MSN: variants seen among roughly 807,000 people sequenced by gnomAD.
The protein encoded by MSN is moesin, also known as epididymis luminal protein 70.
A neutral mutation model predicts 48.0 loss-of-function variants in MSN; 2 were observed. The observed-to-expected ratio is 0.04, with a 90% CI of 0.02 to 0.13. The LOEUF is 0.13. Among genes scored for constraint, MSN ranks in the 10% least tolerant of loss-of-function variants. The pLI, the probability that MSN is intolerant of heterozygous loss-of-function variation, is 1.00. For missense variants in MSN, 267 were observed against 470.1 expected (o/e 0.57, Z 3.99); for synonymous variants, 146 against 166.9 (o/e 0.87, Z 0.97).
chrX:65,670,936 A>ATATATATATATATT (rs2070933031), intron 1 of MSN, among the ~76,000 whole-genome samples: 2 of 61,709 alleles, frequency 3.2e-5, no homozygotes, highest in African/African-American at 1.1e-4. Context: ...ATATATATAT[A>ATATATATATATATT]TATATATATA....
intron 1 of MSN, among the ~76,000 whole-genome samples, chrX:65,639,034 T>A (rs2070628143): frequency 8.9e-6 from 1 of 112,817 alleles, no homozygotes; most frequent in African/African-American, 3.2e-5. Flanking sequence ...TGTGGACCTT[T>A]AGATATCTCA....
chrX:65,658,082 A>C (rs1390918155), intron 1 of MSN, among the ~76,000 whole-genome samples: 1 of 111,942 alleles, frequency 8.9e-6, no homozygotes, highest in African/African-American at 3.2e-5. Context: ...CCTTTTACCC[A>C]GATGCTAGCT....
chrX:65,664,596 A>T (rs752018583), upstream of MSN, among the ~76,000 whole-genome samples: 1 of 109,454 alleles, frequency 9.1e-6, no homozygotes, highest in Non-Finnish European at 1.9e-5. Context: ...GACTGGACTA[A>T]CTAGTCTCTG....
chrX:65,636,863 C>T (rs1333478665), intron 1 of MSN, among the ~76,000 whole-genome samples: 1 of 98,987 alleles, frequency 1.0e-5, no homozygotes, highest in South Asian at 4.8e-4. Flanking sequence ...AGGCGGATCA[C>T]GAGGTCAGGA....
chrX:65,595,367 C>G (rs1300518820), intron 1 of MSN, among the ~76,000 whole-genome samples: 1 of 111,970 alleles, frequency 8.9e-6, no homozygotes, highest in Non-Finnish European at 1.9e-5. Flanking sequence ...ACCGTACTGG[C>G]CATGCTCTCT....
chrX:65,608,438 GGT>G (rs751542072), intron 1 of MSN, among the ~76,000 whole-genome samples: 13 of 107,832 alleles, frequency 1.2e-4, no homozygotes, highest in Middle Eastern at 4.7e-3. Flanking sequence ...GTGTATGTGA[GGT>G]GTGTGTGTGT....
At chrX:65,724,677 T>TTTTGTTTG (rs10635652) in intron 2 of MSN, among the ~76,000 whole-genome samples, 13 of 108,364 alleles carry the variant, frequency 1.2e-4, no homozygotes, top group African/African-American at 4.6e-4. Context: ...TTTGTTTTGT[T>TTTTGTTTG]TTTGTTTGTT....
intron 2 of MSN, among the ~76,000 whole-genome samples, chrX:65,724,995 G>T (rs2071554448): frequency 8.9e-6 from 1 of 111,878 alleles, no homozygotes; most frequent in Non-Finnish European, 1.9e-5. Context: ...CCCATTTTAT[G>T]TTCTTATAAT....
intron 1 of MSN, among the ~76,000 whole-genome samples, chrX:65,614,063 A>G (rs1169207542): frequency 1.8e-5 from 2 of 111,812 alleles, no homozygotes; most frequent in African/African-American, 6.5e-5. Flanking sequence ...TGTAAGGAAG[A>G]GGTCCAGTTT....
rs181197886 is a variant in MSN at position 65,656,231 on chromosome X, G to C, written c.-21-60587G>C. 4.5e-3 allele frequency among the ~76,000 whole-genome samples: 499 copies of C among 110,081 alleles called. 2 individuals carry two copies. The highest frequency in any genetic ancestry group is 0.015 in the African/African-American group (433 of 29,803). On this transcript the variant is annotated intron_variant, in intron 1 of 3. Transcript: ENST00000609672. ...TGTACACAGTATAGTGTTTACCTAA[G>C]GCAGACTGGGAGCAGAGCTGAAAAG...
At chrX:65,707,957 G>A (rs1321729458) in intron 1 of MSN, among the ~76,000 whole-genome samples, 1 of 111,645 alleles carries the variant, frequency 9.0e-6, no homozygotes, top group East Asian at 2.8e-4. Flanking sequence ...CAATGGCCTT[G>A]TCCTCATGAC....
chrX:65,607,425 C>T (rs952752824), intron 1 of MSN, among the ~76,000 whole-genome samples: 12 of 111,905 alleles, frequency 1.1e-4, no homozygotes, highest in Admixed American at 5.7e-4. Context: ...CTCTCCATTC[C>T]TTGTGGTGAT....
chrX:65,701,037 T>C lies in MSN; in HGVS notation c.13-15781T>C, dbSNP rs2071297532. On this transcript the variant is annotated intron_variant, in intron 1 of 12. Coordinates refer to ENST00000360270, the MANE Select transcript of MSN (RefSeq NM_002444.3). ...TGCAAATGCAGCATCCTCTCAACCA[T>C]GCCTCTTCTTTTCCTCAAGTTCCAA... 2.7e-5 allele frequency among the ~76,000 whole-genome samples: 3 copies of C among 111,853 alleles called. No homozygotes were observed. The Admixed American group carries it at 2.8e-4, about 11-fold the overall frequency.
At chrX:65,730,796 A>G (rs1471106685) in intron 4 of MSN, among the ~76,000 whole-genome samples, 2 of 111,212 alleles carry the variant, frequency 1.8e-5, no homozygotes, top group East Asian at 5.6e-4. Flanking sequence ...AGTCAGCACA[A>G]ACTCCTGACA....
At chrX:65,626,527 T>C (rs1232544123) in intron 1 of MSN, among the ~76,000 whole-genome samples, 3 of 111,525 alleles carry the variant, frequency 2.7e-5, no homozygotes, top group Non-Finnish European at 5.6e-5. Context: ...TTGTCACGTA[T>C]GGTCACTGAA....
intron 1 of MSN, among the ~76,000 whole-genome samples, chrX:65,659,852 T>A (rs2070809093): frequency 9.0e-6 from 1 of 111,376 alleles, no homozygotes; most frequent in Non-Finnish European, 1.9e-5. Flanking sequence ...TATTTCTATG[T>A]CTTCTCTCTA....
At chrX:65,663,087 G>A (rs2070836684), upstream of MSN, among the ~76,000 whole-genome samples, 1 of 110,916 alleles carries the variant, frequency 9.0e-6, no homozygotes, top group Non-Finnish European at 1.9e-5. Context: ...CTGAAACCCT[G>A]TCTCTACTAA....
chrX:65,736,776 AT>A lies in MSN; in HGVS notation c.960-15del, dbSNP rs1035166524. ...GGAGCGTTGTTATCCTGTTCTATCC[AT>A]TTTATCTCCTTCCCTAGTGCTATGC... On this transcript the variant is annotated intron_variant, in intron 8 of 12. Transcript: ENST00000360270. 5.2e-6 allele frequency: 6 copies of A among 1,162,709 alleles called. No homozygotes were observed. In the African/African-American group the frequency reaches 9.0e-5, roughly 17 times the overall value.
At chrX:65,652,424 T>C (rs1392106551) in intron 1 of MSN, among the ~76,000 whole-genome samples, 1 of 111,453 alleles carries the variant, frequency 9.0e-6, no homozygotes. Flanking sequence ...CCAGAACCCA[T>C]GTCACAGGAA....
Sources: gnomAD v4.1 joint callset for allele counts (sites outside exome capture counted in the v4.1 genomes callset) on GRCh38, gnomAD v4.1.1 for gene constraint, MANE v1.5 for transcripts, NCBI Gene and HGNC (gene_info 2026-07-23, HGNC 2026-07-21) for gene names.